SRC: variants seen among roughly 807,000 people sequenced by gnomAD.
SRC encodes the protein proto-oncogene tyrosine-protein kinase Src.
A neutral mutation model predicts 62.9 loss-of-function variants in SRC; 13 were observed. The ratio of observed to expected loss-of-function variants is 0.21; its 90% CI spans 0.13 to 0.33. The LOEUF (loss-of-function observed/expected upper bound fraction) is 0.33, where lower values mean the gene tolerates loss of function less well. Ranked by LOEUF, SRC falls within the 10% of genes least tolerant of loss-of-function variation. The probability of loss-of-function intolerance (pLI) is 1.00; values close to 1 mark genes in which losing one functional copy is unlikely to be tolerated. For synonymous variants in SRC, 302 were observed against 317.5 expected (o/e 0.95, Z 0.52); for missense variants, 457 against 737.3 (o/e 0.62, Z 4.40).
At chr20:37,394,855 G>A (rs1382911914) in intron 7 of SRC, among the ~76,000 whole-genome samples, 5 of 152,168 alleles carry the variant, frequency 3.3e-5, no homozygotes, top group Admixed American at 2.6e-4. Flanking sequence ...ATGTCGAGCC[G>A]TGCATTTACG....
chr20:37,379,267 T>C (rs1185885791), intron 2 of SRC, among the ~76,000 whole-genome samples: 3 of 151,900 alleles, frequency 2.0e-5, no homozygotes, highest in Non-Finnish European at 4.4e-5. Context: ...CCCCACTGCT[T>C]CCCCTTGACC....
In SRC at chr20:37,351,629, A is replaced by G. The variant is rs574954894; in HGVS notation, c.-247+5374A>G. Among the ~76,000 whole-genome samples, 1 of 152,156 alleles carries G rather than the reference A, an allele frequency of 6.6e-6. No homozygotes were observed. The highest frequency in any genetic ancestry group is 2.4e-5 in the African/African-American group (1 of 41,420). ...TAGCTTCTCTTAGGCTGCTTTGCCC[A>G]AATTCATGGCCTTGACTTTTACCTT... On this transcript the variant is annotated intron_variant, in intron 1 of 13. Coordinates refer to ENST00000373578, the MANE Select transcript of SRC (RefSeq NM_198291.3). The surrounding 1 kb of genome is among the most constrained non-coding windows in gnomAD (Gnocchi z 4.4).
chr20:37,369,820 A>T (rs115665715), intron 2 of SRC, among the ~76,000 whole-genome samples: 3 of 150,078 alleles, frequency 2.0e-5, no homozygotes, highest in African/African-American at 7.4e-5. Flanking sequence ...TTTTTTTAAG[A>T]TGGGAGTCTC....
At chr20:37,367,752 TCCTC>T (rs1157140502) in intron 2 of SRC, among the ~76,000 whole-genome samples, 3 of 151,892 alleles carry the variant, frequency 2.0e-5, no homozygotes, top group Non-Finnish European at 4.4e-5. Flanking sequence ...GCTCAAGCAA[TCCTC>T]CCATCTCAGC....
chr20:37,397,984 TC>T lies in SRC; in HGVS notation c.859+134del. 2 of 1,226,126 alleles carry T rather than the reference TC, an allele frequency of 1.6e-6. No individual in the cohort carries two copies. The highest frequency in any genetic ancestry group is 2.2e-6 in the Non-Finnish European group (2 of 903,140). The allele number at this position is 1,226,126 out of a possible 1,614,324, so 76.0% of individuals were successfully genotyped here. A position where few individuals can be genotyped will look rare whatever the true frequency, so the allele number is the denominator to read the frequency against. On this transcript the variant is annotated intron_variant, in intron 9 of 13. Transcript: ENST00000373578. The surrounding 1 kb of genome is among the most constrained non-coding windows in gnomAD (Gnocchi z 4.1). ...CGGGGCCCTGTTGTAAATCTGGAGCTCCCCAGCGGTGGCTGGCACCGAGTTG... is the reference window on the plus strand; with the variant it reads ...CGGGGCCCTGTTGTAAATCTGGAGCTCCCAGCGGTGGCTGGCACCGAGTTG...
chr20:37,397,580 G>T lies in SRC; in HGVS notation c.704-119G>T. 1 of 1,355,754 alleles carries T rather than the reference G, an allele frequency of 7.4e-7. No individual in the cohort carries two copies. Among genetic ancestry groups the T allele is most frequent in the South Asian group, 1.6e-5 (1 of 64,182 alleles). 84.0% of individuals were successfully genotyped at this position (1,355,754 alleles called of 1,614,324 possible). On this transcript the variant is annotated intron_variant, in intron 8 of 13. Transcript: ENST00000373578. The surrounding 1 kb of genome is among the most constrained non-coding windows in gnomAD (Gnocchi z 4.1). ...CAGATGTAGATGCCTGGCTTTGAGG[G>T]CACCCTGCGTGTCCCCTGAAATCTG...
In SRC at chr20:37,397,611, A is replaced by G; in HGVS notation, c.704-88A>G. On this transcript the variant is annotated intron_variant, in intron 8 of 13. Coordinates refer to ENST00000373578, the MANE Select transcript of SRC (RefSeq NM_198291.3). The surrounding 1 kb of genome is among the most constrained non-coding windows in gnomAD (Gnocchi z 4.1). ...TGCGTGTCCCCTGAAATCTGTGTGC[A>G]TCTGGCATGTAGGGCGACACACACT... The G allele has an allele frequency of 7.0e-7, 1 of 1,437,430 alleles. No homozygotes were observed. Among genetic ancestry groups the G allele is most frequent in the East Asian group, 2.6e-5 (1 of 38,882 alleles). 89.0% of individuals were successfully genotyped at this position (1,437,430 alleles called of 1,614,324 possible). A position where few individuals can be genotyped will look rare whatever the true frequency, so the allele number is the denominator to read the frequency against.
intron 9 of SRC, among the ~76,000 whole-genome samples, chr20:37,399,669 C>T (rs538942736): frequency 2.0e-5 from 3 of 151,990 alleles, no homozygotes; most frequent in African/African-American, 4.8e-5. Context: ...CTCAGCCTCC[C>T]GAGTATCCAG....
At position 37,402,884 on chromosome 20, in the gene SRC, A is replaced by G; in HGVS notation, c.1402+4A>G. 6.2e-7 allele frequency: 1 copy of G among 1,612,810 alleles called. No individual in the cohort carries two copies. ...AAGGGACGGGTGCCCTACCCTGGTAAGAAGGTCCTCATGGCCTGTCTGTGG... is the reference window on the plus strand; with the variant it reads ...AAGGGACGGGTGCCCTACCCTGGTAGGAAGGTCCTCATGGCCTGTCTGTGG... On this transcript the variant is annotated splice_donor_region_variant and intron_variant, in intron 13 of 13. Coordinates refer to ENST00000373578, the MANE Select transcript of SRC (RefSeq NM_198291.3). The surrounding 1 kb of genome is among the most constrained non-coding windows in gnomAD (Gnocchi z 6.2).
intron 1 of SRC, among the ~76,000 whole-genome samples, chr20:37,350,902 G>A (rs1213562291): frequency 1.3e-5 from 2 of 152,226 alleles, no homozygotes; most frequent in African/African-American, 4.8e-5. Context: ...TGTGCCATGA[G>A]TTTGTCATTC....
At chr20:37,378,503 G>C (rs2070310697) in intron 2 of SRC, among the ~76,000 whole-genome samples, 1 of 152,128 alleles carries the variant, frequency 6.6e-6, no homozygotes, top group African/African-American at 2.4e-5. Context: ...AGGAAACTGA[G>C]GCCCTAATAT....
At chr20:37,356,430 C>T (rs1339225746) in intron 1 of SRC, among the ~76,000 whole-genome samples, 2 of 152,078 alleles carry the variant, frequency 1.3e-5, no homozygotes, top group African/African-American at 4.8e-5. Context: ...AGTGAGGTGG[C>T]CCTGGTGGCC....
At chr20:37,345,985 C>T (rs1052153531), upstream of SRC, among the ~76,000 whole-genome samples, 1 of 151,678 alleles carries the variant, frequency 6.6e-6, no homozygotes, top group Non-Finnish European at 1.5e-5. Flanking sequence ...TCCGTCCCCG[C>T]GCGCTTCCTC....
chr20:37,390,683 G>A (rs1354986642), intron 5 of SRC, among the ~76,000 whole-genome samples: 3 of 152,148 alleles, frequency 2.0e-5, no homozygotes. Context: ...GGGATCACAG[G>A]CGTGAGCCAC....
chr20:37,389,240 T>C (rs907000291), intron 5 of SRC, among the ~76,000 whole-genome samples: 2 of 152,154 alleles, frequency 1.3e-5, no homozygotes, highest in Non-Finnish European at 2.9e-5. Context: ...TCTGACATCC[T>C]AGTCTCAGGA....
Position 37,396,515 on chromosome 20 carries a change from T to G in SRC, c.703+204T>G. 1 of 644,134 alleles carries G rather than the reference T, an allele frequency of 1.6e-6. No individual in the cohort carries two copies. The highest frequency in any genetic ancestry group is 2.6e-6 in the Non-Finnish European group (1 of 384,216). The allele number at this position is 644,134 out of a possible 1,614,324, so 39.9% of individuals were successfully genotyped here. Reference sequence around the variant, plus strand: ...TTCCTCTTCTTTCCCCCAGCCCCCCTCCTCCCTGTCCCCCTCTCTCCCTGC... The same window carrying G: ...TTCCTCTTCTTTCCCCCAGCCCCCCGCCTCCCTGTCCCCCTCTCTCCCTGC... On this transcript the variant is annotated intron_variant, in intron 8 of 13. Transcript: ENST00000373578. The surrounding 1 kb of genome is among the most constrained non-coding windows in gnomAD (Gnocchi z 6.1).
At position 37,401,626 on chromosome 20, in the gene SRC, G is replaced by A; in HGVS notation, c.1064G>A (p.Gly355Glu). The change falls in exon 11 of 14, where the codon GGG becomes GAG. Residue 355 changes from glycine to glutamate, a missense_variant. Gly to Glu is a moderately conservative substitution (Grantham distance 98, BLOSUM62 -2). Transcript: ENST00000373578. ...SKGSLLDFLK[G>E]ETGKYLRLPQ... ...GGGAGTTTGCTGGACTTTCTCAAGGGGGAGACAGGCAAGTACCTGCGGCTG... is the reference window on the plus strand; with the variant it reads ...GGGAGTTTGCTGGACTTTCTCAAGGAGGAGACAGGCAAGTACCTGCGGCTG... The A allele has an allele frequency of 6.2e-7, 1 of 1,611,008 alleles. No homozygotes were observed. The highest frequency in any genetic ancestry group is 8.5e-7 in the Non-Finnish European group (1 of 1,178,770).
At chr20:37,373,636 T>C (rs77254270) in intron 2 of SRC, among the ~76,000 whole-genome samples, 7,665 of 152,254 alleles carry the variant, frequency 0.05, 270 homozygotes, top group Non-Finnish European at 0.061. Flanking sequence ...CTTTATTGTT[T>C]GAGTATTTTG....
At chr20:37,377,572 T>C (rs2070297017) in intron 2 of SRC, among the ~76,000 whole-genome samples, 1 of 152,130 alleles carries the variant, frequency 6.6e-6, no homozygotes, top group African/African-American at 2.4e-5. Flanking sequence ...GGGTAGATCA[T>C]TGTGGGAGGA....
Sources: gnomAD v4.1 joint callset for allele counts (sites outside exome capture counted in the v4.1 genomes callset) on GRCh38, gnomAD v4.1.1 for gene constraint, Gnocchi (gnomAD v3.1) non-coding constraint, MANE v1.5 for transcripts, NCBI Gene and HGNC (gene_info 2026-07-23, HGNC 2026-07-21) for gene names.